The following GALNT13 variants were observed in gnomAD, a reference collection of about 807,000 sequenced individuals.
GALNT13 encodes the protein UDP-GalNAc:polypeptide N-acetylgalactosaminyltransferase 13.
GALNT13 carries 28 observed loss-of-function variants against 64.2 expected under a neutral mutation model. The ratio of observed to expected loss-of-function variants is 0.44; its 90% CI spans 0.32 to 0.60. The LOEUF is 0.60. Among genes scored for constraint, GALNT13 ranks in the 20% least tolerant of loss-of-function variants. The pLI is 0.05. For synonymous variants in GALNT13, 214 were observed against 224.6 expected (o/e 0.95, Z 0.42); for missense variants, 577 against 669.8 (o/e 0.86, Z 1.53).
At chr2:153,165,490 T>C in the GALNT13 span, among the ~76,000 whole-genome samples, 3 of 152,248 alleles carry the variant, frequency 2.0e-5, no homozygotes, top group Non-Finnish European at 4.4e-5. Context: ...AGCATTATTT[T>C]AGTCTTACGA....
the GALNT13 span, among the ~76,000 whole-genome samples, chr2:153,803,147 C>A: frequency 6.6e-6 from 1 of 152,140 alleles, no homozygotes; most frequent in Non-Finnish European, 1.5e-5. Flanking sequence ...CCCCTCAGGA[C>A]CACAGTCTAT....
At chr2:154,259,205 C>T (rs1290199434) in intron 8 of GALNT13, 67 bp downstream of exon 8, 22 of 820,986 alleles carry the variant, frequency 2.7e-5, no homozygotes, top group Admixed American at 7.4e-5. Flanking sequence ...ATACCAGTCC[C>T]AGTAATTTAC....
At chr2:154,347,271 C>T (rs2105242664) in intron 9 of GALNT13, among the ~76,000 whole-genome samples, 1 of 152,098 alleles carries the variant, frequency 6.6e-6, no homozygotes. Flanking sequence ...TTTGTCAGGA[C>T]CTTAGTATAT....
At chr2:153,502,875 G>C in the GALNT13 span, among the ~76,000 whole-genome samples, 2,003 of 152,074 alleles carry the variant, frequency 0.013, 44 homozygotes, top group African/African-American at 0.045. Context: ...TTGGCCATTT[G>C]TATGTCTTCT....
At chr2:154,132,970 AG>A (rs1321705543) in intron 3 of GALNT13, among the ~76,000 whole-genome samples, 1 of 152,178 alleles carries the variant, frequency 6.6e-6, no homozygotes, top group Non-Finnish European at 1.5e-5. Flanking sequence ...TATTTTTAAA[AG>A]GAATTTGTGA....
At chr2:154,257,795 A>G (rs1237429694) in intron 7 of GALNT13, 1 of 152,192 alleles carries the variant, frequency 6.6e-6, no homozygotes, top group Non-Finnish European at 1.5e-5. Context: ...AAACATGAGC[A>G]TAACCTTTGT....
chr2:153,392,894 C>CT, the GALNT13 span, among the ~76,000 whole-genome samples: 1 of 151,876 alleles, frequency 6.6e-6, no homozygotes, highest in Non-Finnish European at 1.5e-5. Flanking sequence ...GATTAGTGCC[C>CT]TTATAAAAGA....
At chr2:153,408,295 C>T in the GALNT13 span, among the ~76,000 whole-genome samples, 1 of 152,032 alleles carries the variant, frequency 6.6e-6, no homozygotes, top group Non-Finnish European at 1.5e-5. Flanking sequence ...TACTGAGTAA[C>T]ACCTGTGCAG....
At chr2:153,154,942 G>A in the GALNT13 span, among the ~76,000 whole-genome samples, 4 of 152,258 alleles carry the variant, frequency 2.6e-5, no homozygotes, top group Admixed American at 1.3e-4. Flanking sequence ...ATAAATGGAT[G>A]TTGAATTTTA....
chr2:153,823,652 C>G, the GALNT13 span, among the ~76,000 whole-genome samples: 2 of 152,148 alleles, frequency 1.3e-5, no homozygotes, highest in Non-Finnish European at 2.9e-5. Context: ...GTAAGACATA[C>G]CACTGTAAAA....
At chr2:153,878,799 A>G (rs1182275666) in intron 1 of GALNT13, among the ~76,000 whole-genome samples, 1 of 152,194 alleles carries the variant, frequency 6.6e-6, no homozygotes, top group South Asian at 2.1e-4. Context: ...GTGCTCTTGT[A>G]AAACTGGTGG....
the GALNT13 span, among the ~76,000 whole-genome samples, chr2:153,799,796 C>G: frequency 6.6e-6 from 1 of 152,044 alleles, no homozygotes. Flanking sequence ...TTTCCTTAGC[C>G]ATGGGAATGA....
the GALNT13 span, among the ~76,000 whole-genome samples, chr2:153,808,436 GC>G: frequency 1.8e-4 from 27 of 151,846 alleles, no homozygotes. Flanking sequence ...TGAAGTACCT[GC>G]TTGCAGACTA....
the GALNT13 span, among the ~76,000 whole-genome samples, chr2:153,096,249 T>G: frequency 1.2e-4 from 18 of 152,218 alleles, no homozygotes; most frequent in African/African-American, 3.6e-4. Flanking sequence ...AGTTTGTTTT[T>G]TTTTGGAATG....
chr2:154,362,461 T>G (rs902964801), intron 9 of GALNT13, among the ~76,000 whole-genome samples: 7 of 152,042 alleles, frequency 4.6e-5, no homozygotes, highest in African/African-American at 1.7e-4. Context: ...TCTCGGAGAA[T>G]GTTTAGCATA....
the GALNT13 span, among the ~76,000 whole-genome samples, chr2:153,561,432 T>C: frequency 5.9e-5 from 9 of 152,086 alleles, no homozygotes; most frequent in African/African-American, 1.9e-4. Flanking sequence ...TATGTGCACC[T>C]TATACACATA....
the GALNT13 span, among the ~76,000 whole-genome samples, chr2:153,840,938 T>C: frequency 4.0e-5 from 6 of 151,728 alleles, no homozygotes; most frequent in African/African-American, 1.5e-4. Flanking sequence ...TCTCAGGCCT[T>C]TTTTGGGTAT....
At chr2:153,129,078 T>G in the GALNT13 span, among the ~76,000 whole-genome samples, 2 of 152,154 alleles carry the variant, frequency 1.3e-5, no homozygotes, top group South Asian at 4.1e-4. Context: ...GCACACATGT[T>G]GGGAATCCAC....
At chr2:154,392,716 G>A (rs1043624178) in intron 9 of GALNT13, among the ~76,000 whole-genome samples, 5 of 152,102 alleles carry the variant, frequency 3.3e-5, no homozygotes, top group Non-Finnish European at 5.9e-5. Flanking sequence ...GGAAAATCAC[G>A]GTACACTTTT....
Sources: gnomAD v4.1 joint callset for allele counts (sites outside exome capture counted in the v4.1 genomes callset) on GRCh38, gnomAD v4.1.1 for gene constraint, MANE v1.5 for transcripts, NCBI Gene and HGNC (gene_info 2026-07-23, HGNC 2026-07-21) for gene names.